DMRT1: variants seen among roughly 807,000 people sequenced by gnomAD.
DMRT1 encodes doublesex- and mab-3-related transcription factor 1.
DMRT1 carries 7 observed loss-of-function variants against 32.3 expected under a neutral mutation model. The ratio of observed to expected loss-of-function variants is 0.22; its 90% CI spans 0.12 to 0.41. The LOEUF (loss-of-function observed/expected upper bound fraction) is 0.41. Ranked by LOEUF, DMRT1 falls within the 10% of genes least tolerant of loss-of-function variation. The pLI, the probability that DMRT1 is intolerant of heterozygous loss-of-function variation, is 1.00. For synonymous variants in DMRT1, 278 were observed against 206.1 expected, an observed-to-expected ratio of 1.35 and a Z score of -2.99; for missense variants, 625 against 500.5, an observed-to-expected ratio of 1.25 and a Z score of -2.37.
In DMRT1 at chr9:968,242, T is replaced by G; in HGVS notation, c.*103T>G. Reference sequence around the variant, plus strand: ...CATTGACTCATACTATCTTAACTGTTGAGAACGTATTTGGTTTATATTCCT... The same window carrying G: ...CATTGACTCATACTATCTTAACTGTGGAGAACGTATTTGGTTTATATTCCT... On this transcript the variant is annotated 3_prime_UTR_variant, in exon 5 of 5. Transcript: ENST00000382276. The G allele has an allele frequency of 7.1e-7, 1 of 1,398,756 alleles. No individual in the cohort carries two copies. Among genetic ancestry groups the G allele is most frequent in the Non-Finnish European group, 9.8e-7 (1 of 1,015,308 alleles). The allele number at this position is 1,398,756 out of a possible 1,614,324, so 86.6% of individuals were successfully genotyped here.
intron 3 of DMRT1, among the ~76,000 whole-genome samples, chr9:903,334 G>A (rs1817658914): frequency 6.6e-6 from 1 of 151,664 alleles, no homozygotes; most frequent in African/African-American, 2.4e-5. Context: ...CTGTTTCTAG[G>A]TGATCACCTC....
intron 2 of DMRT1, among the ~76,000 whole-genome samples, chr9:881,199 C>G (rs1017846034): frequency 6.6e-6 from 1 of 152,180 alleles, no homozygotes; most frequent in African/African-American, 2.4e-5. Context: ...GGAGGGGGCT[C>G]TCCAGTCCTG....
chr9:854,957 C>T (rs888738467), intron 2 of DMRT1, among the ~76,000 whole-genome samples: 1 of 150,178 alleles, frequency 6.7e-6, no homozygotes, highest in African/African-American at 2.5e-5. Flanking sequence ...TTAGTAGAGA[C>T]GGGGTTTCAC....
chr9:869,650 T>C (rs530627624), intron 2 of DMRT1, among the ~76,000 whole-genome samples: 1 of 152,344 alleles, frequency 6.6e-6, no homozygotes, highest in East Asian at 1.9e-4. Context: ...TCTTTTATAA[T>C]TGGCTTAAAG....
chr9:894,645 G>A (rs1817282279), intron 3 of DMRT1: 4 of 271,998 alleles, frequency 1.5e-5, no homozygotes, highest in East Asian at 9.2e-5. Flanking sequence ...AGTAATCTGC[G>A]TGATGAATTT....
At chr9:858,804 T>G (rs10977160) in intron 2 of DMRT1, among the ~76,000 whole-genome samples, 50,207 of 148,756 alleles carry the variant, frequency 0.34, 9,777 homozygotes, top group African/African-American at 0.55. Context: ...AACCTGGGAG[T>G]CGGAGGTTGC....
At position 968,011 on chromosome 9, in the gene DMRT1, T is replaced by A. The variant is rs370356267; in HGVS notation, c.994T>A (p.Ser332Thr). 1.2e-6 allele frequency: 2 copies of A among 1,613,958 alleles called. No homozygotes were observed. The highest frequency in any genetic ancestry group is 1.3e-5 in the African/African-American group (1 of 74,902). The part of the protein sequence containing the change: ...SVFSPPSSQD[S>T]GLVSLSSSSP... Reference sequence around the variant, plus strand: ...ATTCTCGCCGCCCAGCAGTCAAGATTCTGGCTTGGTTTCCCTCTCGAGCAG... The same window carrying A: ...ATTCTCGCCGCCCAGCAGTCAAGATACTGGCTTGGTTTCCCTCTCGAGCAG... Residue 332 changes from serine (S) to threonine (T), a missense_variant, in exon 5 of 5, where the codon TCT becomes ACT. Ser to Thr is a moderately conservative substitution (Grantham distance 58). Transcript: ENST00000382276.
chr9:845,892 G>A (rs901784538), intron 1 of DMRT1, among the ~76,000 whole-genome samples: 2 of 152,120 alleles, frequency 1.3e-5, no homozygotes, highest in Non-Finnish European at 2.9e-5. Context: ...TACTACTGCT[G>A]GCTGATTTTA....
intron 2 of DMRT1, among the ~76,000 whole-genome samples, chr9:851,989 G>C (rs1434220178): frequency 6.7e-6 from 1 of 150,298 alleles, no homozygotes; most frequent in African/African-American, 2.5e-5. Context: ...GCTTAGGCTG[G>C]AGTGCTGTGG....
At chr9:930,819 C>T (rs544972513) in intron 4 of DMRT1, among the ~76,000 whole-genome samples, 17 of 152,264 alleles carry the variant, frequency 1.1e-4, no homozygotes, top group Non-Finnish European at 2.1e-4. Context: ...GGATTACAGA[C>T]ATGAGCCATT....
intron 4 of DMRT1, 58 bp downstream of exon 4, chr9:916,965 T>C (rs1818205365): frequency 5.7e-6 from 9 of 1,590,626 alleles, no homozygotes; most frequent in Non-Finnish European, 6.0e-6. Context: ...CTATCCAGTA[T>C]TGGGTCATTA....
intron 3 of DMRT1, among the ~76,000 whole-genome samples, chr9:901,078 G>C (rs7861756): frequency 1.3e-5 from 2 of 151,812 alleles, no homozygotes; most frequent in East Asian, 3.9e-4. Context: ...GCAGCAGCAT[G>C]ATCTCAGTTC....
At chr9:861,934 C>G (rs1453642501) in intron 2 of DMRT1, among the ~76,000 whole-genome samples, 4 of 150,172 alleles carry the variant, frequency 2.7e-5, no homozygotes, top group Non-Finnish European at 4.5e-5. Flanking sequence ...TCCCAACATC[C>G]CAGATGATGG....
rs191223888 is a variant in DMRT1, at chr9:888,607, T to C, written c.539-5305T>C. ...GAGCCACTGTGCCTGACCTCATTTG[T>C]TGTATACTTTTATTTAATAGTCAGG... is the stretch of plus-strand genomic sequence containing the variant. On this transcript the variant is annotated intron_variant, in intron 2 of 4. Coordinates refer to ENST00000382276, the MANE Select transcript of DMRT1 (RefSeq NM_021951.3). Among the ~76,000 whole-genome samples, 89 of 152,262 alleles carry C rather than the reference T, an allele frequency of 5.8e-4. 1 individual carries two copies. Among genetic ancestry groups the C allele is most frequent in the African/African-American group, 2.0e-3 (84 of 41,560 alleles).
At chr9:903,584 C>G (rs1248374042) in intron 3 of DMRT1, among the ~76,000 whole-genome samples, 1 of 152,114 alleles carries the variant, frequency 6.6e-6, no homozygotes, top group Non-Finnish European at 1.5e-5. Context: ...TGTCTGGAGC[C>G]AAAGCTCAGG....
At chr9:963,482 TGTG>T (rs1247560295) in intron 4 of DMRT1, among the ~76,000 whole-genome samples, 3 of 152,158 alleles carry the variant, frequency 2.0e-5, no homozygotes, top group Admixed American at 2.0e-4. Context: ...TTTCTCAGCT[TGTG>T]GTTTCTAATT....
Position 956,430 on chromosome 9 carries a change from G to C in DMRT1, c.968-11555G>C, listed in dbSNP as rs1013921508. On this transcript the variant is annotated intron_variant, in intron 4 of 4. Coordinates refer to ENST00000382276, the MANE Select transcript of DMRT1 (RefSeq NM_021951.3). ...AAAATGGTTAAGGGCCAGGTGTGGTGGCTCATGCCGGTAATCCCAGCACTT... is the reference window on the plus strand; with the variant it reads ...AAAATGGTTAAGGGCCAGGTGTGGTCGCTCATGCCGGTAATCCCAGCACTT... 2.0e-5 allele frequency among the ~76,000 whole-genome samples: 3 copies of C among 152,106 alleles called. No homozygotes were observed. In the South Asian group the frequency reaches 6.2e-4, roughly 31 times the overall value.
rs148874162 is a variant in DMRT1 at position 877,907 on chromosome 9, C to T, written c.539-16005C>T. Among the ~76,000 whole-genome samples, 1,263 of 152,206 alleles carry T rather than the reference C, an allele frequency of 8.3e-3. 11 individuals are homozygous for T. The highest frequency in any genetic ancestry group is 0.014 in the Middle Eastern group (4 of 294). On this transcript the variant is annotated intron_variant, in intron 2 of 4. Transcript: ENST00000382276. Reference sequence around the variant, plus strand: ...ATATTCCTGATTCTGGATAAGTGTGCCTGTACAATGACCCATGGTTGGCTT... The same window carrying T: ...ATATTCCTGATTCTGGATAAGTGTGTCTGTACAATGACCCATGGTTGGCTT...
At chr9:863,149 C>CAGAAA (rs1815797742) in intron 2 of DMRT1, among the ~76,000 whole-genome samples, 1 of 98,296 alleles carries the variant, frequency 1.0e-5, no homozygotes, top group Non-Finnish European at 1.9e-5. Flanking sequence ...CAGGTCTCTA[C>CAGAAA]AAAAAAAAAA....
Sources: gnomAD v4.1 joint callset for allele counts (sites outside exome capture counted in the v4.1 genomes callset) on GRCh38, gnomAD v4.1.1 for gene constraint, MANE v1.5 for transcripts, NCBI Gene and HGNC (gene_info 2026-07-23, HGNC 2026-07-21) for gene names.